The following RYR3 variants were observed in gnomAD, a reference collection of about 807,000 sequenced individuals.
RYR3 encodes the protein brain ryanodine receptor-calcium release channel.
A neutral mutation model predicts 584.3 loss-of-function variants in RYR3; 207 were observed. That is an observed-to-expected ratio of 0.35 (90% CI 0.32 to 0.40). The LOEUF is 0.40. Ranked by LOEUF, RYR3 falls within the 10% of genes least tolerant of loss-of-function variation. RYR3 has a pLI of 1.00. For missense variants in RYR3, 5,616 were observed against 6,089.2 expected, an observed-to-expected ratio of 0.92 and a Z score of 2.59; for synonymous variants, 2,416 against 2,248.5, an observed-to-expected ratio of 1.07 and a Z score of -2.11.
intron 46 of RYR3, among the ~76,000 whole-genome samples, chr15:33,728,250 CAG>C (rs2152817421): frequency 6.6e-6 from 1 of 152,270 alleles, no homozygotes; most frequent in East Asian, 1.9e-4. Context: ...TCACTGAACA[CAG>C]AGTTGGGAAG....
chr15:33,508,938 G>T (rs1220025590), intron 3 of RYR3, among the ~76,000 whole-genome samples: 1 of 152,168 alleles, frequency 6.6e-6, no homozygotes, highest in Non-Finnish European at 1.5e-5. Context: ...ACTGCTAGGG[G>T]TTGTCTCCTG....
chr15:33,453,334 G>A (rs968284288), intron 1 of RYR3, among the ~76,000 whole-genome samples: 3 of 152,090 alleles, frequency 2.0e-5, no homozygotes, highest in Admixed American at 6.5e-5. Flanking sequence ...GATTTTACCA[G>A]CATTTTTCAG....
chr15:33,464,503 T>TATATATATAGATATATATATATATATAC (rs1180164194), intron 1 of RYR3, among the ~76,000 whole-genome samples: 1 of 105,942 alleles, frequency 9.4e-6, no homozygotes, highest in Non-Finnish European at 2.0e-5. Context: ...CATATATATA[T>TATATATATAGATATATATATATATATAC]ACATACACAT....
At chr15:33,836,405 T>G (rs922248144) in intron 87 of RYR3, among the ~76,000 whole-genome samples, 1 of 152,050 alleles carries the variant, frequency 6.6e-6, no homozygotes, top group Non-Finnish European at 1.5e-5. Context: ...TAGCCTCCAT[T>G]TTATTCCATT....
Position 33,773,531 on chromosome 15 carries a change from C to T in RYR3, c.9056-3C>T, listed in dbSNP as rs561412884. 6.3e-6 allele frequency: 10 copies of T among 1,598,814 alleles called. No individual in the cohort carries two copies. The South Asian group carries it at 7.9e-5, about 13-fold the overall frequency. ...AATCAATGATATTTCTTCTTTGTTT[C>T]AGTGGGTGATGTGCAGATTTCATGC... On this transcript the variant is annotated splice_polypyrimidine_tract_variant and splice_region_variant and intron_variant, in intron 63 of 103. Transcript: ENST00000634891.
intron 94 of RYR3, chr15:33,849,013 T>G (rs1474929024): frequency 1.3e-5 from 2 of 152,440 alleles, no homozygotes; most frequent in Non-Finnish European, 2.9e-5. Flanking sequence ...TTTTTTTGTA[T>G]TTTCAGTAGA....
chr15:33,323,540 A>G (rs1466881919), intron 1 of RYR3, among the ~76,000 whole-genome samples: 1 of 151,466 alleles, frequency 6.6e-6, no homozygotes, highest in African/African-American at 2.4e-5. Flanking sequence ...CTTCAATGAT[A>G]TGGGGAGGGG....
intron 42 of RYR3, among the ~76,000 whole-genome samples, chr15:33,706,467 C>T (rs769619984): frequency 6.6e-5 from 10 of 152,288 alleles, no homozygotes; most frequent in Non-Finnish European, 1.3e-4. Flanking sequence ...AAATTACCTC[C>T]TATGAATGGA....
chr15:33,801,663 G>C (rs1026778633), intron 68 of RYR3, among the ~76,000 whole-genome samples: 4 of 152,140 alleles, frequency 2.6e-5, no homozygotes, highest in Non-Finnish European at 4.4e-5. Context: ...CTGGTCATAT[G>C]TGCCTAAACT....
chr15:33,655,349 G>A (rs2062762686), intron 32 of RYR3, among the ~76,000 whole-genome samples: 1 of 152,020 alleles, frequency 6.6e-6, no homozygotes. Flanking sequence ...TTAACTGAAG[G>A]GTCCTCCCTG....
At chr15:33,333,376 A>G (rs1970595740) in intron 1 of RYR3, among the ~76,000 whole-genome samples, 1 of 152,094 alleles carries the variant, frequency 6.6e-6, no homozygotes, top group Admixed American at 6.6e-5. Context: ...TCTCCAGAAT[A>G]CAAGGTTGGT....
chr15:33,332,826 TG>T, intron 1 of RYR3, among the ~76,000 whole-genome samples: 1 of 152,028 alleles, frequency 6.6e-6, no homozygotes, highest in Non-Finnish European at 1.5e-5. Context: ...GAAAAAAATC[TG>T]TATTCTTAAA....
At chr15:33,852,967 C>A in intron 94 of RYR3, 78 bp from the exon 95 acceptor site, 1 of 1,282,096 alleles carries the variant, frequency 7.8e-7, no homozygotes. Flanking sequence ...GATCCAGGCA[C>A]TCAAACTGAA....
intron 1 of RYR3, among the ~76,000 whole-genome samples, chr15:33,367,600 C>A (rs1461672943): frequency 6.6e-6 from 1 of 152,188 alleles, no homozygotes; most frequent in Admixed American, 6.5e-5. Flanking sequence ...AGATGAGAAC[C>A]ATTTCTGAGG....
rs929474813 is a variant in RYR3 at position 33,785,709 on chromosome 15, C to A, written c.9316C>A (p.Gln3106Lys). Reference sequence around the variant, plus strand: ...AGAAGACATGTGTCCTGACATCCCCCAGCTGGAAGGCCTGATGAAGGAAAT... The same window carrying A: ...AGAAGACATGTGTCCTGACATCCCCAAGCTGGAAGGCCTGATGAAGGAAAT... ...TVEDMCPDIPQLEGLMKEIND... is the reference protein window; with the variant it reads ...TVEDMCPDIPKLEGLMKEIND... Residue 3106 changes from glutamine to lysine, a missense_variant, in exon 66 of 104, where the codon CAG becomes AAG. Physicochemically the swap from Gln to Lys is moderately conservative, Grantham distance 53. This residue lies in a region of RYR3 where 954 missense variants were observed against 1,132.2 expected (regional missense o/e 0.84). Coordinates refer to ENST00000634891, the MANE Select transcript of RYR3 (RefSeq NM_001036.6). 2 of 1,612,788 alleles carry A rather than the reference C, an allele frequency of 1.2e-6. No individual in the cohort carries two copies. Among genetic ancestry groups the A allele is most frequent in the East Asian group, 2.2e-5 (1 of 44,884 alleles).
At chr15:33,378,449 C>G (rs1229544223) in intron 1 of RYR3, among the ~76,000 whole-genome samples, 1 of 152,188 alleles carries the variant, frequency 6.6e-6, no homozygotes, top group East Asian at 1.9e-4. Flanking sequence ...AGGCATCTGG[C>G]ATTGTAGGTA....
At chr15:33,725,977 A>ACCGCC (rs1567033906) in intron 45 of RYR3, among the ~76,000 whole-genome samples, 3 of 4,960 alleles carry the variant, frequency 6.0e-4, no homozygotes, top group African/African-American at 1.3e-3. Context: ...CCCCCCCCCC[A>ACCGCC]AAAAAAAAAA....
At chr15:33,492,186 G>T (rs558381597) in intron 2 of RYR3, among the ~76,000 whole-genome samples, 1 of 152,140 alleles carries the variant, frequency 6.6e-6, no homozygotes, top group Non-Finnish European at 1.5e-5. Context: ...CTTTCTTGCA[G>T]TGGGGATGTA....
Position 33,813,531 on chromosome 15 carries a change from G to A in RYR3, c.10454G>A (p.Arg3485Gln), listed in dbSNP as rs192619532. 13 of 1,613,960 alleles carry A rather than the reference G, an allele frequency of 8.1e-6. No homozygotes were observed. Among genetic ancestry groups the A allele is most frequent in the East Asian group, 6.7e-5 (3 of 44,884 alleles). ...AAACTGTTATCAAAGCAACGGAAAC[G>A]GGCAGTGGTGGCCTGTTTCAGGATG... ...WHKLLSKQRK[R>Q]AVVACFRMAP... The change falls in exon 74 of 104, where the codon CGG becomes CAG. Residue 3485 changes from arginine to glutamine, a missense_variant. This residue lies in a region of RYR3 where 954 missense variants were observed against 1,132.2 expected (regional missense o/e 0.84). Transcript: ENST00000634891.
Sources: gnomAD v4.1 joint callset for allele counts (sites outside exome capture counted in the v4.1 genomes callset) on GRCh38, gnomAD v4.1.1 for gene constraint, gnomAD v4.1.1 regional missense constraint, MANE v1.5 for transcripts, NCBI Gene and HGNC (gene_info 2026-07-23, HGNC 2026-07-21) for gene names.